Variants in KANSL1 observed in about 807,000 individuals in gnomAD.
The protein encoded by KANSL1 is MLL1/MLL complex subunit KANSL1.
Under a neutral mutation model 103.6 loss-of-function variants are expected in KANSL1, and 22 were observed. The observed-to-expected ratio is 0.21, with a 90% CI of 0.15 to 0.30. The LOEUF is 0.30. Among genes scored for constraint, KANSL1 ranks in the 10% least tolerant of loss-of-function variants. The probability of loss-of-function intolerance (pLI) is 1.00; values close to 1 mark genes in which losing one functional copy is unlikely to be tolerated. For missense variants in KANSL1, 1,337 were observed against 1,399.8 expected, an observed-to-expected ratio of 0.96 and a Z score of 0.72; for synonymous variants, 600 against 527.6, an observed-to-expected ratio of 1.14 and a Z score of -1.88.
chr17:46,059,772 T>C (rs528075165), intron 6 of KANSL1, among the ~76,000 whole-genome samples: 139 of 152,112 alleles, frequency 9.1e-4, no homozygotes, highest in Non-Finnish European at 1.0e-4. Context: ...TGGAGTGCAG[T>C]AGCTTGATCT....
chr17:46,199,709 T>C (rs944847322), intron 1 of KANSL1, among the ~76,000 whole-genome samples: 2 of 152,224 alleles, frequency 1.3e-5, no homozygotes, highest in East Asian at 3.8e-4. Context: ...AAAGAAAAAC[T>C]AATTATTAGG....
At chr17:46,187,763 G>T (rs557180392) in intron 1 of KANSL1, among the ~76,000 whole-genome samples, 34 of 152,298 alleles carry the variant, frequency 2.2e-4, no homozygotes, top group African/African-American at 7.9e-4. Context: ...CTATTTAAAA[G>T]GTCTCTTCCA....
At chr17:46,052,473 TGGGAGCCTGTAATCTCAGCTACTC>T (rs2077742773) in intron 6 of KANSL1, among the ~76,000 whole-genome samples, 1 of 151,206 alleles carries the variant, frequency 6.6e-6, no homozygotes, top group African/African-American at 2.4e-5. Context: ...GGTGTGGTGG[TGGGAGCCTGTAATCTCAGCTACTC>T]GGGAGGCTGA....
At chr17:46,152,570 C>A (rs899142691) in intron 2 of KANSL1, among the ~76,000 whole-genome samples, 1 of 120,528 alleles carries the variant, frequency 8.3e-6, no homozygotes, top group African/African-American at 3.8e-5. Flanking sequence ...CTAATACTGA[C>A]AATAGACACA....
intron 2 of KANSL1, chr17:46,148,118 A>G (rs2044836162): frequency 6.6e-6 from 1 of 152,262 alleles, no homozygotes; most frequent in Non-Finnish European, 1.5e-5. Flanking sequence ...CACACACTAA[A>G]TAATAATTAG....
intron 1 of KANSL1, chr17:46,221,181 T>C (rs2048523799): frequency 6.6e-6 from 1 of 152,112 alleles, no homozygotes; most frequent in Non-Finnish European, 1.5e-5. Context: ...TCTCTCGTTT[T>C]GCTTGTCAAG....
intron 10 of KANSL1, among the ~76,000 whole-genome samples, chr17:46,036,842 G>A (rs2077165230): frequency 6.6e-6 from 1 of 152,000 alleles, no homozygotes. Context: ...CCTCAGAGTA[G>A]CTGGAACTAT....
intron 7 of KANSL1, chr17:46,049,392 C>A (rs1455612495): frequency 6.6e-6 from 1 of 151,956 alleles, no homozygotes; most frequent in Non-Finnish European, 1.5e-5. Context: ...TATGCCACCA[C>A]GCCCTGCTAA....
At chr17:46,211,823 A>T (rs1214568895) in intron 1 of KANSL1, among the ~76,000 whole-genome samples, 1 of 152,276 alleles carries the variant, frequency 6.6e-6, no homozygotes, top group East Asian at 1.9e-4. Flanking sequence ...GTGTTACCAC[A>T]ATCTACAAGT....
intron 1 of KANSL1, among the ~76,000 whole-genome samples, chr17:46,178,432 A>T (rs758444800): frequency 6.6e-6 from 1 of 152,260 alleles, no homozygotes; most frequent in Non-Finnish European, 1.5e-5. Context: ...CAGACTGTAC[A>T]TTCAGAATAA....
chr17:46,184,126 C>A (rs2046914436), intron 1 of KANSL1, among the ~76,000 whole-genome samples: 1 of 152,108 alleles, frequency 6.6e-6, no homozygotes, highest in Admixed American at 6.5e-5. Context: ...ATGCCAGATA[C>A]AAGATAGTAA....
At chr17:46,183,497 G>T (rs563217556) in intron 1 of KANSL1, among the ~76,000 whole-genome samples, 1 of 151,968 alleles carries the variant, frequency 6.6e-6, no homozygotes, top group Non-Finnish European at 1.5e-5. Context: ...CTGTTATCAC[G>T]CCACTGCACT....
Position 46,171,244 on chromosome 17 carries a change from TC to T in KANSL1, c.899del (p.Arg300AsnfsTer30). The T allele has an allele frequency of 6.2e-7, 1 of 1,614,122 alleles. No individual in the cohort carries two copies. The highest frequency in any genetic ancestry group is 8.5e-7 in the Non-Finnish European group (1 of 1,180,040). On this transcript the variant is annotated frameshift_variant, in exon 2 of 15. Coordinates refer to ENST00000432791, the MANE Select transcript of KANSL1 (RefSeq NM_015443.4). LOFTEE classifies it high-confidence loss of function. ...RQADIESRAR[R>X]LQKRLQVVQA... is the part of the protein sequence containing the mutation. ...GCACAACCTGTAAGCGCTTTTGTAA[TC>T]TGCGGGCACGGCTCTCAATGTCAGC...
chr17:46,174,942 C>T (rs1003258165), intron 1 of KANSL1, among the ~76,000 whole-genome samples: 11 of 152,170 alleles, frequency 7.2e-5, no homozygotes, highest in African/African-American at 1.9e-4. Context: ...AGGCATAAGC[C>T]GCCATGCCCA....
At chr17:46,140,876 C>T (rs1918799) in intron 2 of KANSL1, among the ~76,000 whole-genome samples, 21,948 of 152,076 alleles carry the variant, frequency 0.14, 2,135 homozygotes, top group Middle Eastern at 0.22. Flanking sequence ...CAATTAGAAG[C>T]ATTGGCAAGA....
chr17:46,213,991 A>AC (rs1183658750), intron 1 of KANSL1, among the ~76,000 whole-genome samples: 1 of 152,134 alleles, frequency 6.6e-6, no homozygotes, highest in Non-Finnish European at 1.5e-5. Context: ...CAAATATACT[A>AC]CCTGGCACAT....
rs770719196 is a variant in KANSL1, at chr17:46,094,570, C to T, written c.1421G>A (p.Arg474His). Reference sequence around the variant, plus strand: ...ATACTTATCCCTTACCTTATTAGCACGTATCTGTTTGTAAATGTCTGTTTG... The same window carrying T: ...ATACTTATCCCTTACCTTATTAGCATGTATCTGTTTGTAAATGTCTGTTTG... ...RQQTDIYKQI[R>H]ANKGLIVLGE... Residue 474 changes from arginine (R) to histidine (H), a missense_variant, in exon 3 of 15, where the codon CGT becomes CAT. Transcript: ENST00000432791. The T allele has an allele frequency of 1.2e-5, 19 of 1,612,794 alleles. No individual in the cohort carries two copies. The South Asian group carries it at 1.5e-4, about 13-fold the overall frequency.
At chr17:46,076,287 G>C (rs2078766179) in intron 4 of KANSL1, among the ~76,000 whole-genome samples, 1 of 152,026 alleles carries the variant, frequency 6.6e-6, no homozygotes, top group Non-Finnish European at 1.5e-5. Context: ...TTGAGGTCAG[G>C]AGTTCAAGAC....
chr17:46,059,445 C>T (rs1379602964), intron 6 of KANSL1, among the ~76,000 whole-genome samples: 1 of 151,672 alleles, frequency 6.6e-6, no homozygotes, highest in Non-Finnish European at 1.5e-5. Context: ...ATGGTGAAAC[C>T]CCGTCTCTAC....
Sources: gnomAD v4.1 joint callset for allele counts (sites outside exome capture counted in the v4.1 genomes callset) on GRCh38, gnomAD v4.1.1 for gene constraint, MANE v1.5 for transcripts, NCBI Gene and HGNC (gene_info 2026-07-23, HGNC 2026-07-21) for gene names.